SEMA3C: variants seen among roughly 807,000 people sequenced by gnomAD.
SEMA3C encodes semaphorin 3C.
Under a neutral mutation model 89.4 loss-of-function variants are expected in SEMA3C, and 47 were observed. The ratio of observed to expected loss-of-function variants is 0.53; its 90% confidence interval spans 0.42 to 0.67. The LOEUF (loss-of-function observed/expected upper bound fraction) is 0.67, where lower values mean the gene tolerates loss of function less well. Among genes scored for constraint, SEMA3C ranks in the 30% least tolerant of loss-of-function variants. The pLI is 0.00. For synonymous variants in SEMA3C, 310 were observed against 320.2 expected (o/e 0.97, Z 0.34); for missense variants, 839 against 929.1 (o/e 0.90, Z 1.26).
chr7:80,869,414 T>C (rs767637397), intron 2 of SEMA3C, among the ~76,000 whole-genome samples: 1 of 152,206 alleles, frequency 6.6e-6, no homozygotes, highest in Non-Finnish European at 1.5e-5. Flanking sequence ...TGCCCTTTAA[T>C]ATTTATAGCC....
chr7:80,919,290 C>T (rs1001950668), upstream of SEMA3C: 9 of 984,020 alleles, frequency 9.1e-6, no homozygotes, highest in East Asian at 1.1e-4. Flanking sequence ...GCTGGCCAGA[C>T]GCAAGAATGC....
chr7:80,764,036 A>G (rs1478802636), intron 13 of SEMA3C, among the ~76,000 whole-genome samples: 3 of 152,162 alleles, frequency 2.0e-5, no homozygotes, highest in African/African-American at 7.2e-5. Flanking sequence ...ATTTGATTCT[A>G]TTTTATATTT....
chr7:80,822,581 G>A (rs979579820), intron 4 of SEMA3C, among the ~76,000 whole-genome samples: 1 of 152,084 alleles, frequency 6.6e-6, no homozygotes, highest in Non-Finnish European at 1.5e-5. Context: ...AGAGAATATT[G>A]CAGAGAAGAC....
At chr7:80,870,284 T>C (rs1791025049) in intron 2 of SEMA3C, among the ~76,000 whole-genome samples, 1 of 152,224 alleles carries the variant, frequency 6.6e-6, no homozygotes, top group Non-Finnish European at 1.5e-5. Context: ...TTCTCTTCCA[T>C]GCCTTGTCTG....
chr7:80,846,221 A>T (rs1790385590), intron 2 of SEMA3C, among the ~76,000 whole-genome samples: 1 of 151,880 alleles, frequency 6.6e-6, no homozygotes, highest in Admixed American at 6.6e-5. Flanking sequence ...GATGCCTGGT[A>T]TTTTTTCCTT....
At chr7:80,807,666 C>T (rs1789374326) in intron 6 of SEMA3C, among the ~76,000 whole-genome samples, 2 of 152,132 alleles carry the variant, frequency 1.3e-5, no homozygotes, top group Non-Finnish European at 2.9e-5. Flanking sequence ...CATCTGACTT[C>T]GTTGTTGCCT....
chr7:80,870,360 A>T (rs1791027195), intron 2 of SEMA3C, among the ~76,000 whole-genome samples: 1 of 152,322 alleles, frequency 6.6e-6, no homozygotes, highest in South Asian at 2.1e-4. Flanking sequence ...TATTCAGCAC[A>T]TCCATTTGTT....
chr7:80,750,455 T>TATAC, intron 16 of SEMA3C, among the ~76,000 whole-genome samples: 1 of 61,394 alleles, frequency 1.6e-5, no homozygotes, highest in East Asian at 5.3e-4. Context: ...TATATATATA[T>TATAC]ATATATATAT....
chr7:80,762,199 C>T (rs1788201269), intron 13 of SEMA3C, among the ~76,000 whole-genome samples: 1 of 151,506 alleles, frequency 6.6e-6, no homozygotes, highest in Non-Finnish European at 1.5e-5. Flanking sequence ...AATATTCAAT[C>T]CGACAAATAA....
intron 12 of SEMA3C, among the ~76,000 whole-genome samples, chr7:80,777,479 A>G (rs906472413): frequency 6.6e-5 from 10 of 152,080 alleles, no homozygotes; most frequent in African/African-American, 2.2e-4. Flanking sequence ...TTTAGTAGAG[A>G]CGGGGTTTTG....
At chr7:80,801,485 G>A (rs1433163905) in intron 9 of SEMA3C, among the ~76,000 whole-genome samples, 2 of 151,968 alleles carry the variant, frequency 1.3e-5, no homozygotes, top group African/African-American at 4.8e-5. Context: ...GAATATGAAA[G>A]TAGATTTCTG....
At chr7:80,810,584 A>C (rs1441331858) in intron 6 of SEMA3C, 27 bp downstream of exon 6, 1 of 1,577,592 alleles carries the variant, frequency 6.3e-7, no homozygotes, top group East Asian at 2.2e-5. Context: ...TTTATGTTTA[A>C]TCCTCCCTCT....
chr7:80,748,801 C>A, intron 17 of SEMA3C, 97 bp downstream of exon 17: 2 of 1,199,920 alleles, frequency 1.7e-6, no homozygotes, highest in South Asian at 1.6e-5. Context: ...TGATCATATG[C>A]CTTTCCTTTT....
At chr7:80,837,379 A>G (rs1040363690) in intron 2 of SEMA3C, among the ~76,000 whole-genome samples, 6 of 152,176 alleles carry the variant, frequency 3.9e-5, no homozygotes, top group Admixed American at 3.9e-4. Context: ...TCCTAAGTCG[A>G]TATACTAGAG....
intron 15 of SEMA3C, among the ~76,000 whole-genome samples, chr7:80,752,699 G>A (rs966438657): frequency 6.0e-5 from 9 of 151,138 alleles, no homozygotes; most frequent in East Asian, 5.8e-4. Flanking sequence ...ATTTAATTTC[G>A]TGAGTCTTAG....
At chr7:80,840,363 T>C (rs1360249303) in intron 2 of SEMA3C, among the ~76,000 whole-genome samples, 3 of 150,924 alleles carry the variant, frequency 2.0e-5, no homozygotes, top group Non-Finnish European at 4.4e-5. Flanking sequence ...CTACAAAAAA[T>C]ACAAAAATCT....
chr7:80,810,143 C>T (rs1047921509), intron 6 of SEMA3C, among the ~76,000 whole-genome samples: 3 of 152,048 alleles, frequency 2.0e-5, no homozygotes, highest in Admixed American at 1.3e-4. Context: ...TGTCAATTGG[C>T]TTGACTGAAT....
chr7:80,812,542 T>C (rs777310921), intron 5 of SEMA3C, among the ~76,000 whole-genome samples: 1 of 152,028 alleles, frequency 6.6e-6, no homozygotes, highest in Admixed American at 6.6e-5. Flanking sequence ...TAAGTGAGAG[T>C]TCGTCTTGCA....
intron 17 of SEMA3C, among the ~76,000 whole-genome samples, chr7:80,746,575 A>T (rs550901843): frequency 6.6e-6 from 1 of 152,288 alleles, no homozygotes; most frequent in African/African-American, 2.4e-5. Context: ...ACATGTGTGC[A>T]GGTATTTTTG....
Sources: gnomAD v4.1 joint callset for allele counts (sites outside exome capture counted in the v4.1 genomes callset) on GRCh38, gnomAD v4.1.1 for gene constraint, MANE v1.5 for transcripts, NCBI Gene and HGNC (gene_info 2026-07-23, HGNC 2026-07-21) for gene names.